The following CCDC93 variants were observed in gnomAD, a reference collection of about 807,000 sequenced individuals.
CCDC93 encodes coiled-coil domain-containing protein 93.
CCDC93 carries 61 observed loss-of-function variants against 108.2 expected under a neutral mutation model. The ratio of observed to expected loss-of-function variants is 0.56; its 90% CI spans 0.46 to 0.70. The LOEUF (loss-of-function observed/expected upper bound fraction) is 0.70. Among genes scored for constraint, CCDC93 ranks in the 30% least tolerant of loss-of-function variants. The probability of loss-of-function intolerance (pLI) is 0.00; values close to 1 mark genes in which losing one functional copy is unlikely to be tolerated. For missense variants in CCDC93, 685 were observed against 764.2 expected (o/e 0.90, Z 1.22); for synonymous variants, 276 against 260.4 (o/e 1.06, Z -0.58).
At chr2:117,951,419 A>G in intron 13 of CCDC93, 2 of 985,534 alleles carry the variant, frequency 2.0e-6, no homozygotes, top group Non-Finnish European at 2.4e-6. Flanking sequence ...AGGTTAGTCC[A>G]GACCAGAATT....
chr2:117,952,476 C>T, intron 12 of CCDC93, 41 bp from the exon 13 acceptor site: 1 of 1,331,916 alleles, frequency 7.5e-7, no homozygotes, highest in Non-Finnish European at 1.1e-6. Flanking sequence ...TCATTTGATC[C>T]TTATGACAAC....
At chr2:117,922,698 G>A (rs1558764471) in intron 23 of CCDC93, among the ~76,000 whole-genome samples, 1 of 152,206 alleles carries the variant, frequency 6.6e-6, no homozygotes, top group Non-Finnish European at 1.5e-5. Flanking sequence ...AGGATGCAGT[G>A]AGAATTCAGA....
chr2:117,928,675 G>C (rs1302778501), intron 23 of CCDC93, among the ~76,000 whole-genome samples: 1 of 152,178 alleles, frequency 6.6e-6, no homozygotes, highest in African/African-American at 2.4e-5. Flanking sequence ...CTGTAAACTA[G>C]TTCAACCATT....
At chr2:117,928,783 T>C (rs1678216610) in intron 23 of CCDC93, among the ~76,000 whole-genome samples, 1 of 152,344 alleles carries the variant, frequency 6.6e-6, no homozygotes, top group East Asian at 1.9e-4. Context: ...GGATTATAAA[T>C]CATGCTGCAA....
intron 2 of CCDC93, 45 bp from the exon 3 acceptor site, chr2:118,006,861 G>T (rs1676885285): frequency 1.6e-6 from 2 of 1,251,642 alleles, no homozygotes; most frequent in South Asian, 1.2e-5. Flanking sequence ...TTTAGTTTGG[G>T]GAGAATGGAA....
intron 7 of CCDC93, among the ~76,000 whole-genome samples, chr2:117,983,630 T>TTTTTTATATATA (rs1262707425): frequency 1.0e-5 from 1 of 98,570 alleles, no homozygotes; most frequent in African/African-American, 3.2e-5. Flanking sequence ...CTGCTCAAAA[T>TTTTTTATATATA]TATATATATA....
chr2:117,939,001 G>C (rs1273409389), intron 20 of CCDC93, 28 bp downstream of exon 20: 1 of 1,254,516 alleles, frequency 8.0e-7, no homozygotes, highest in East Asian at 2.3e-5. Flanking sequence ...TAGCTGCTTA[G>C]CCATTTTCTT....
At chr2:117,929,329 A>C (rs1001005730) in intron 23 of CCDC93, among the ~76,000 whole-genome samples, 2 of 152,302 alleles carry the variant, frequency 1.3e-5, no homozygotes, top group East Asian at 3.9e-4. Context: ...GGACTGAAGG[A>C]AAGAGGCCTG....
intron 23 of CCDC93, among the ~76,000 whole-genome samples, chr2:117,924,700 ACT>A (rs1678013873): frequency 6.6e-6 from 1 of 152,224 alleles, no homozygotes; most frequent in African/African-American, 2.4e-5. Context: ...GTTGGAAAAC[ACT>A]CTGCAGGATA....
chr2:117,938,673 C>T (rs947421379), intron 20 of CCDC93, among the ~76,000 whole-genome samples: 2 of 152,082 alleles, frequency 1.3e-5, no homozygotes, highest in Non-Finnish European at 2.9e-5. Context: ...GGTATTTTCT[C>T]CCTGTAAACT....
At chr2:117,974,780 TG>T in intron 10 of CCDC93, 69 bp downstream of exon 10, 1 of 1,201,210 alleles carries the variant, frequency 8.3e-7, no homozygotes, top group Non-Finnish European at 1.2e-6. Context: ...GTGGGCTCTC[TG>T]GGAGAAGACC....
At chr2:117,931,892 A>G (rs140103306) in intron 22 of CCDC93, among the ~76,000 whole-genome samples, 10 of 152,296 alleles carry the variant, frequency 6.6e-5, no homozygotes, top group African/African-American at 2.2e-4. Context: ...TTGACTTAGA[A>G]CCTACTGAGT....
rs112740896 is a variant in CCDC93, at chr2:117,947,418, C to T, written c.1225-536G>A. The stretch of plus-strand genomic sequence containing the variant: ...GTTGCCAGAACACGCATCACCCCCA[C>T]GACTAGACTACAAGTTTCCAGAAGA... On this transcript the variant is annotated intron_variant, in intron 15 of 23. Transcript: ENST00000376300. Among the ~76,000 whole-genome samples the T allele has an allele frequency of 4.4e-3, 663 of 152,286 alleles. 2 individuals carry two copies. The highest frequency in any genetic ancestry group is 7.7e-3 in the Non-Finnish European group (527 of 68,024).
intron 1 of CCDC93, chr2:118,012,389 C>A (rs1677044030): frequency 6.6e-6 from 1 of 152,144 alleles, no homozygotes; most frequent in Non-Finnish European, 1.5e-5. Context: ...TAAGTTATTG[C>A]TTGACCTGGT....
chr2:118,012,629 A>C (rs1677050475), intron 1 of CCDC93: 1 of 152,226 alleles, frequency 6.6e-6, no homozygotes, highest in African/African-American at 2.4e-5. Context: ...AGTGGCAAAA[A>C]AGAAAACTTC....
intron 4 of CCDC93, chr2:117,997,113 T>C (rs992614543): frequency 1.3e-5 from 2 of 152,188 alleles, no homozygotes; most frequent in Non-Finnish European, 1.5e-5. Context: ...ACTGGACAAA[T>C]GGTTTCATGA....
intron 15 of CCDC93, 103 bp downstream of exon 15, chr2:117,948,002 T>C (rs936678555): frequency 5.2e-6 from 5 of 955,402 alleles, no homozygotes; most frequent in Admixed American, 2.1e-5. Flanking sequence ...CCAAATCTGC[T>C]TTTTAAACTG....
chr2:118,009,879 C>T (rs1676977750), intron 1 of CCDC93, among the ~76,000 whole-genome samples: 1 of 151,988 alleles, frequency 6.6e-6, no homozygotes, highest in Non-Finnish European at 1.5e-5. Context: ...ATAAATTCAT[C>T]TAATATATGT....
chr2:117,925,295 CTAAAT>C (rs1558766048), intron 23 of CCDC93, among the ~76,000 whole-genome samples: 64 of 152,178 alleles, frequency 4.2e-4, no homozygotes, highest in Admixed American at 9.2e-4. Context: ...TGTAAATGGG[CTAAAT>C]GCTTCAATTA....
Sources: allele counts gnomAD v4.1 joint callset (sites outside exome capture counted in the v4.1 genomes callset), GRCh38; gene constraint gnomAD v4.1.1; transcripts MANE v1.5; gene names NCBI Gene and HGNC (gene_info 2026-07-23, HGNC 2026-07-21).